The following ERC1 variants were observed in gnomAD, a reference collection of about 807,000 sequenced individuals.
ERC1 encodes RAB6 interacting protein 2.
A neutral mutation model predicts 132.0 loss-of-function variants in ERC1; 56 were observed. The observed-to-expected ratio is 0.42, with a 90% CI of 0.34 to 0.53. ERC1 has a LOEUF of 0.53. Ranked by LOEUF, ERC1 falls within the 20% of genes least tolerant of loss-of-function variation. The pLI is 0.03. For synonymous variants in ERC1, 478 were observed against 476.1 expected (o/e 1.00, Z -0.05); for missense variants, 1,202 against 1,349.9 (o/e 0.89, Z 1.72).
intron 2 of ERC1, among the ~76,000 whole-genome samples, chr12:1,074,118 T>C (rs1419584940): frequency 6.6e-6 from 1 of 152,058 alleles, no homozygotes; most frequent in Non-Finnish European, 1.5e-5. Context: ...CGCCTCTGCC[T>C]TCCAAAGTGC....
intron 12 of ERC1, among the ~76,000 whole-genome samples, chr12:1,229,159 AG>A (rs952986214): frequency 5.9e-5 from 9 of 152,182 alleles, no homozygotes; most frequent in Non-Finnish European, 1.0e-4. Context: ...CTTTGTTGGG[AG>A]GTTTTTGACT....
chr12:1,378,397 A>G (rs900926587), intron 16 of ERC1, among the ~76,000 whole-genome samples: 6 of 152,222 alleles, frequency 3.9e-5, no homozygotes, highest in African/African-American at 9.6e-5. Context: ...CGTACTAATA[A>G]TCTAATATGA....
chr12:1,471,856 A>C (rs572061655), intron 18 of ERC1, among the ~76,000 whole-genome samples: 1 of 152,352 alleles, frequency 6.6e-6, no homozygotes, highest in South Asian at 2.1e-4. Flanking sequence ...GAGCTTGTGC[A>C]CCTGGATGCA....
intron 12 of ERC1, among the ~76,000 whole-genome samples, chr12:1,222,353 C>T (rs918577340): frequency 3.3e-5 from 5 of 151,938 alleles, no homozygotes; most frequent in African/African-American, 4.8e-5. Context: ...CCTCAGACTC[C>T]TGAGTAGCTG....
chr12:1,208,842 G>A (rs1023948937), intron 12 of ERC1, among the ~76,000 whole-genome samples: 3 of 151,524 alleles, frequency 2.0e-5, no homozygotes, highest in African/African-American at 7.3e-5. Flanking sequence ...GAGTGCAGTG[G>A]CGCAATCTCA....
chr12:1,028,932 A>T (rs1284675893), intron 2 of ERC1, among the ~76,000 whole-genome samples: 2 of 151,400 alleles, frequency 1.3e-5, no homozygotes, highest in African/African-American at 4.9e-5. Context: ...ATTTTAGAGT[A>T]GGTAACTTAA....
chr12:1,066,029 G>T (rs1939114654), intron 2 of ERC1, among the ~76,000 whole-genome samples: 1 of 152,218 alleles, frequency 6.6e-6, no homozygotes, highest in Admixed American at 6.5e-5. Context: ...GGAATGGGAA[G>T]AAACTGCTGG....
At chr12:1,102,930 A>AT (rs1206364663) in intron 3 of ERC1, among the ~76,000 whole-genome samples, 2 of 152,236 alleles carry the variant, frequency 1.3e-5, no homozygotes, top group African/African-American at 4.8e-5. Flanking sequence ...TAAGAACTGC[A>AT]TGATGAATCT....
intron 16 of ERC1, among the ~76,000 whole-genome samples, chr12:1,400,592 T>A (rs1044857485): frequency 9.8e-5 from 15 of 152,350 alleles, no homozygotes; most frequent in African/African-American, 3.1e-4. Flanking sequence ...GAGTTTATTC[T>A]TTTATATGTT....
chr12:1,230,156 G>A (rs1307960367), intron 12 of ERC1, among the ~76,000 whole-genome samples: 5 of 151,920 alleles, frequency 3.3e-5, no homozygotes, highest in African/African-American at 1.2e-4. Context: ...ACAGGCATGT[G>A]CCACCACGCC....
intron 15 of ERC1, among the ~76,000 whole-genome samples, chr12:1,371,473 C>T (rs1258544406): frequency 6.6e-6 from 1 of 152,148 alleles, no homozygotes; most frequent in Non-Finnish European, 1.5e-5. Flanking sequence ...TTATTACCCT[C>T]AAAATGGGGG....
chr12:1,027,566 A>G (rs950122474), intron 1 of ERC1, 182 bp from the exon 2 acceptor site: 1 of 230,514 alleles, frequency 4.3e-6, no homozygotes, highest in African/African-American at 2.2e-5. Flanking sequence ...CAGTTTTGAG[A>G]CATCTAAAAT....
chr12:1,287,913 T>G (rs61912037), intron 14 of ERC1, among the ~76,000 whole-genome samples: 34,640 of 152,188 alleles, frequency 0.23, 4,745 homozygotes, highest in Non-Finnish European at 0.3. Flanking sequence ...TTATTTCTCG[T>G]TCACATACAT....
At chr12:1,328,437 C>T (rs532821221) in intron 15 of ERC1, among the ~76,000 whole-genome samples, 2 of 152,292 alleles carry the variant, frequency 1.3e-5, no homozygotes, top group South Asian at 2.1e-4. Context: ...AGCCACTGCA[C>T]CTGCCCTTAA....
At position 1,014,396 on chromosome 12, in the gene ERC1, G is replaced by A. The variant is rs980294335; in HGVS notation, c.-156-13352G>A. ...TCACCATGTTGCCCAGGCTGGTCTC[G>A]AACTCCTGAGCTCAGGAGATCCACC... On this transcript the variant is annotated intron_variant, in intron 1 of 18. Transcript: ENST00000360905. 2.0e-5 allele frequency among the ~76,000 whole-genome samples: 3 copies of A among 151,778 alleles called. No homozygotes were observed. The South Asian group carries it at 6.2e-4, about 32-fold the overall frequency.
intron 1 of ERC1, among the ~76,000 whole-genome samples, chr12:1,002,970 G>T (rs906875404): frequency 7.0e-6 from 1 of 142,924 alleles, no homozygotes; most frequent in Non-Finnish European, 1.5e-5. Flanking sequence ...TCTTAAGGAG[G>T]CCAGGCACCG....
intron 3 of ERC1, among the ~76,000 whole-genome samples, chr12:1,084,680 T>TTA (rs1555233003): frequency 8.5e-4 from 129 of 151,602 alleles, no homozygotes; most frequent in African/African-American, 3.0e-3. Flanking sequence ...ATTTTTTTTT[T>TTA]ATTTTAAATT....
intron 17 of ERC1, among the ~76,000 whole-genome samples, chr12:1,410,875 A>T (rs1390976831): frequency 2.6e-5 from 4 of 151,840 alleles, no homozygotes; most frequent in Non-Finnish European, 5.9e-5. Context: ...TTTGAGGTAT[A>T]CTTTTTATGA....
At chr12:1,250,184 A>G (rs1169877073) in intron 13 of ERC1, among the ~76,000 whole-genome samples, 1 of 152,228 alleles carries the variant, frequency 6.6e-6, no homozygotes, top group Non-Finnish European at 1.5e-5. Context: ...TTCTTTGAAT[A>G]TAACACGTTG....
Sources: allele counts gnomAD v4.1 joint callset (sites outside exome capture counted in the v4.1 genomes callset), GRCh38; gene constraint gnomAD v4.1.1; transcripts MANE v1.5; gene names NCBI Gene and HGNC (gene_info 2026-07-23, HGNC 2026-07-21).